The following EPM2A variants were observed in gnomAD, a reference collection of about 807,000 sequenced individuals.
EPM2A encodes laforin.
In EPM2A, 21 loss-of-function variants were observed where a neutral mutation model predicts 26.5. The observed-to-expected ratio is 0.79, with a 90% CI of 0.56 to 1.14. The LOEUF is 1.14. EPM2A is among the 50% of genes most tolerant of loss of function. The probability of loss-of-function intolerance (pLI) is 0.00; values close to 1 mark genes in which losing one functional copy is unlikely to be tolerated. For synonymous variants in EPM2A, 217 were observed against 177.6 expected (o/e 1.22, Z -1.76); for missense variants, 458 against 440.8 (o/e 1.04, Z -0.35).
intron 4 of EPM2A, among the ~76,000 whole-genome samples, chr6:145,436,171 C>A (rs1443249178): frequency 6.6e-6 from 1 of 152,200 alleles, no homozygotes; most frequent in Non-Finnish European, 1.5e-5. Flanking sequence ...CAGCATGTAT[C>A]AGCCCTTCAT....
chr6:145,558,525 T>G (rs958555712), intron 2 of EPM2A, among the ~76,000 whole-genome samples: 1 of 152,000 alleles, frequency 6.6e-6, no homozygotes, highest in African/African-American at 2.4e-5. Context: ...ATAATGTCTG[T>G]ACTAATTTAC....
chr6:145,487,550 T>C (rs1334730858), intron 4 of EPM2A, among the ~76,000 whole-genome samples: 1 of 152,204 alleles, frequency 6.6e-6, no homozygotes, highest in Non-Finnish European at 1.5e-5. Flanking sequence ...TGGTGTGAGA[T>C]GGTATCACAT....
chr6:145,617,487 T>C (rs1373793756), intron 2 of EPM2A, among the ~76,000 whole-genome samples: 1 of 152,216 alleles, frequency 6.6e-6, no homozygotes, highest in African/African-American at 2.4e-5. Context: ...TAGTATTATA[T>C]AGAAAGAGAA....
intron 2 of EPM2A, among the ~76,000 whole-genome samples, chr6:145,680,293 C>T (rs989973197): frequency 3.3e-5 from 5 of 151,012 alleles, no homozygotes; most frequent in Non-Finnish European, 5.9e-5. Flanking sequence ...AAATGTAACA[C>T]ATAAACCTCT....
intron 1 of EPM2A, among the ~76,000 whole-genome samples, chr6:145,726,697 G>A (rs1199303794): frequency 1.3e-5 from 2 of 152,074 alleles, no homozygotes; most frequent in East Asian, 3.8e-4. Flanking sequence ...AATCCCAATT[G>A]AGCAACTTTC....
chr6:145,443,673 G>T (rs558290040), intron 4 of EPM2A, among the ~76,000 whole-genome samples: 1 of 152,198 alleles, frequency 6.6e-6, no homozygotes, highest in South Asian at 2.1e-4. Context: ...CATGTCATCT[G>T]CAAACAGGGT....
At chr6:145,613,059 GAACTT>G (rs1421711550) in intron 2 of EPM2A, among the ~76,000 whole-genome samples, 3 of 152,086 alleles carry the variant, frequency 2.0e-5, no homozygotes, top group Admixed American at 6.6e-5. Flanking sequence ...ACCCAAAGCA[GAACTT>G]AACTCAAAAT....
At chr6:145,629,682 C>G (rs865997423) in intron 3 of EPM2A, 1 of 152,320 alleles carries the variant, frequency 6.6e-6, no homozygotes, top group Non-Finnish European at 1.5e-5. Flanking sequence ...CTCTGCTGCT[C>G]GAGCTGGAAG....
chr6:145,425,540 T>A (rs1778844021), intron 4 of EPM2A, among the ~76,000 whole-genome samples: 1 of 151,346 alleles, frequency 6.6e-6, no homozygotes, highest in African/African-American at 2.4e-5. Flanking sequence ...TGGAAATGAG[T>A]ATTTTAAAGA....
intron 2 of EPM2A, chr6:145,637,471 C>CTT (rs754280153): frequency 1.4e-5 from 2 of 145,378 alleles, no homozygotes; most frequent in African/African-American, 2.5e-5. Context: ...AGAAGAACAA[C>CTT]TTTTTTTTTT....
At chr6:145,715,165 A>G (rs1434369324) in intron 1 of EPM2A, among the ~76,000 whole-genome samples, 2 of 151,500 alleles carry the variant, frequency 1.3e-5, no homozygotes, top group African/African-American at 4.9e-5. Flanking sequence ...ATTTATATTC[A>G]TTTCTTCATT....
intron 4 of EPM2A, among the ~76,000 whole-genome samples, chr6:145,423,583 T>C (rs890708309): frequency 6.6e-6 from 1 of 152,202 alleles, no homozygotes; most frequent in African/African-American, 2.4e-5. Context: ...CTTTCCCATA[T>C]GCACAAAACT....
At chr6:145,467,058 G>C (rs1779407822) in intron 4 of EPM2A, among the ~76,000 whole-genome samples, 1 of 152,062 alleles carries the variant, frequency 6.6e-6, no homozygotes, top group Non-Finnish European at 1.5e-5. Flanking sequence ...ACGAGTTAGT[G>C]GGTGCAGCGC....
At chr6:145,547,293 T>A (rs897474582) in intron 2 of EPM2A, among the ~76,000 whole-genome samples, 40 of 152,230 alleles carry the variant, frequency 2.6e-4, no homozygotes, top group African/African-American at 9.4e-4. Flanking sequence ...ATCTCCTTGG[T>A]CTTTTCTAGT....
At chr6:145,573,579 T>A (rs1780988540) in intron 2 of EPM2A, among the ~76,000 whole-genome samples, 1 of 152,224 alleles carries the variant, frequency 6.6e-6, no homozygotes, top group Non-Finnish European at 1.5e-5. Context: ...AAGTCCTTGA[T>A]GATGGCACTA....
At chr6:145,470,037 G>A (rs1779453457) in intron 4 of EPM2A, among the ~76,000 whole-genome samples, 1 of 152,042 alleles carries the variant, frequency 6.6e-6, no homozygotes, top group African/African-American at 2.4e-5. Context: ...GGTAGTGGTA[G>A]GGGTAGGGGG....
At chr6:145,618,173 C>T (rs1775555818) in intron 2 of EPM2A, among the ~76,000 whole-genome samples, 1 of 152,074 alleles carries the variant, frequency 6.6e-6, no homozygotes, top group East Asian at 1.9e-4. Context: ...GAAGATGCCT[C>T]AGAGAGGGTG....
At chr6:145,502,105 G>A (rs1024768556) in intron 3 of EPM2A, among the ~76,000 whole-genome samples, 2 of 152,214 alleles carry the variant, frequency 1.3e-5, no homozygotes, top group Non-Finnish European at 2.9e-5. Context: ...AGAAACAAAG[G>A]CATGAGCACA....
intron 4 of EPM2A, among the ~76,000 whole-genome samples, chr6:145,449,551 T>C (rs1779170425): frequency 6.6e-6 from 1 of 152,162 alleles, no homozygotes; most frequent in Non-Finnish European, 1.5e-5. Flanking sequence ...AAGTTGGAAA[T>C]AGCAAGCCCC....
Sources: gnomAD v4.1 joint callset for allele counts (sites outside exome capture counted in the v4.1 genomes callset) on GRCh38, gnomAD v4.1.1 for gene constraint, MANE v1.5 for transcripts, NCBI Gene and HGNC (gene_info 2026-07-23, HGNC 2026-07-21) for gene names.